ESCO1: variants seen among roughly 807,000 people sequenced by gnomAD.
The protein encoded by ESCO1 is N-acetyltransferase ESCO1.
Under a neutral mutation model 83.5 loss-of-function variants are expected in ESCO1, and 33 were observed. That is an observed-to-expected ratio of 0.40 (90% CI 0.30 to 0.53). The LOEUF is 0.53. ESCO1 is among the 20% of genes least tolerant of loss of function. The pLI is 0.63. For missense variants in ESCO1, 855 were observed against 968.0 expected (o/e 0.88, Z 1.55); for synonymous variants, 332 against 324.3 (o/e 1.02, Z -0.25).
intron 1 of ESCO1, among the ~76,000 whole-genome samples, chr18:21,585,312 C>T (rs953742414): frequency 3.5e-4 from 53 of 152,234 alleles, no homozygotes; most frequent in African/African-American, 1.2e-3. Context: ...ATTTTGGCCT[C>T]GGTGGGGACA....
Position 21,596,530 on chromosome 18 carries a change from T to C in ESCO1, c.-825+4093A>G, listed in dbSNP as rs537028053. Among the ~76,000 whole-genome samples the C allele has an allele frequency of 3.3e-5, 5 of 152,126 alleles. No individual in the cohort carries two copies. The South Asian group carries it at 1.0e-3, about 32-fold the overall frequency. On this transcript the variant is annotated intron_variant, in intron 1 of 11. Coordinates refer to ENST00000269214, the MANE Select transcript of ESCO1 (RefSeq NM_052911.3). ...AATAATATTACAGGGAAAATGTTTT[T>C]ATGAAAAGATAGAAAATATTGGCCA...
Position 21,573,706 on chromosome 18 carries a change from C to T in ESCO1, c.1138G>A (p.Gly380Arg). 1 of 1,614,082 alleles carries T rather than the reference C, an allele frequency of 6.2e-7. No individual in the cohort carries two copies. The highest frequency in any genetic ancestry group is 8.5e-7 in the Non-Finnish European group (1 of 1,180,012). The change falls in exon 4 of 12, where the codon GGA becomes AGA. Residue 380 changes from glycine (G) to arginine (R), a missense_variant. By Grantham distance (125) the Gly-to-Arg change is moderately radical. Around this residue, in one of 2 missense-constraint regions of ESCO1, gnomAD observed 726 missense variants for 699.5 expected, o/e 1.04. Transcript: ENST00000269214. Reference protein sequence around the residue: ...KTKPVKCILNGINSSAKKNSN... With the variant: ...KTKPVKCILNRINSSAKKNSN... Reference sequence around the variant, plus strand: ...TTCTTCTTGGCTGAGCTGTTTATTCCATTTAGTATACATTTCACAGGCTTT... The same window carrying T: ...TTCTTCTTGGCTGAGCTGTTTATTCTATTTAGTATACATTTCACAGGCTTT...
intron 8 of ESCO1, among the ~76,000 whole-genome samples, chr18:21,549,404 C>T (rs1375599474): frequency 2.6e-5 from 4 of 152,076 alleles, no homozygotes; most frequent in Non-Finnish European, 5.9e-5. Flanking sequence ...TGACATGACA[C>T]ACCTCCAGAC....
chr18:21,568,344 G>A (rs1050900777), intron 4 of ESCO1, among the ~76,000 whole-genome samples: 2 of 152,076 alleles, frequency 1.3e-5, no homozygotes, highest in African/African-American at 4.8e-5. Context: ...CTACTCAGAA[G>A]CCTCACTAAA....
chr18:21,560,195 T>C (rs2038164410), intron 8 of ESCO1, among the ~76,000 whole-genome samples: 1 of 152,218 alleles, frequency 6.6e-6, no homozygotes, highest in South Asian at 2.1e-4. Flanking sequence ...TTTCACAAGA[T>C]ATCTGAAATG....
rs540117462 is a variant in ESCO1 at position 21,547,900 on chromosome 18, G to C, written c.1954-7891C>G. The stretch of plus-strand genomic sequence containing the variant: ...GGGCAGATCACGAGGTCAGGAGATC[G>C]AGACCATCCTGGCTAACAAGGTGAA... On this transcript the variant is annotated intron_variant, in intron 8 of 11. Transcript: ENST00000269214. Among the ~76,000 whole-genome samples the C allele has an allele frequency of 3.3e-5, 5 of 151,730 alleles. No homozygotes were observed. In the South Asian group the frequency reaches 1.0e-3, roughly 32 times the overall value.
In ESCO1 at chr18:21,560,862, A is replaced by G. The variant is rs1200626102; in HGVS notation, c.1950T>C (p.Tyr650=). 6.2e-7 allele frequency: 1 copy of G among 1,601,996 alleles called. No homozygotes were observed. The highest frequency in any genetic ancestry group is 8.5e-7 in the Non-Finnish European group (1 of 1,176,984). ...FHNQFISAVK[Y]VGWKKERILA... Reference sequence around the variant, plus strand: ...AGAATTCACAAATTCCACTTACCACATATTTAACAGCACTTATAAACTGGT... The same window carrying G: ...AGAATTCACAAATTCCACTTACCACGTATTTAACAGCACTTATAAACTGGT... Residue 650 remains tyrosine (Y), a synonymous_variant, in exon 8 of 12, where the codon TAT becomes TAC. Coordinates refer to ENST00000269214, the MANE Select transcript of ESCO1 (RefSeq NM_052911.3).
intron 8 of ESCO1, among the ~76,000 whole-genome samples, chr18:21,557,460 T>G (rs2038127475): frequency 6.6e-6 from 1 of 152,202 alleles, no homozygotes; most frequent in African/African-American, 2.4e-5. Flanking sequence ...TTCTGACCAC[T>G]TCTAAGTTGC....
At chr18:21,565,460 A>G (rs2038246484) in intron 6 of ESCO1, among the ~76,000 whole-genome samples, 2 of 152,250 alleles carry the variant, frequency 1.3e-5, no homozygotes, top group African/African-American at 4.8e-5. Flanking sequence ...AAAGTCTGAC[A>G]ATGCGGGATA....
intron 2 of ESCO1, among the ~76,000 whole-genome samples, chr18:21,579,962 C>G (rs2146218115): frequency 6.7e-6 from 1 of 150,352 alleles, no homozygotes; most frequent in South Asian, 2.1e-4. Context: ...GTGGCGCAAT[C>G]TTGGCTCACT....
At chr18:21,590,951 A>G (rs965625117) in intron 1 of ESCO1, among the ~76,000 whole-genome samples, 1 of 142,652 alleles carries the variant, frequency 7.0e-6, no homozygotes, top group African/African-American at 2.5e-5. Context: ...CAAAAGAAAA[A>G]AAAAAAAGAA....
intron 2 of ESCO1, among the ~76,000 whole-genome samples, chr18:21,578,043 T>C (rs1409368568): frequency 2.0e-5 from 3 of 152,018 alleles, no homozygotes; most frequent in African/African-American, 7.2e-5. Flanking sequence ...CTATAATCGC[T>C]AAGACACACA....
chr18:21,553,287 C>T (rs568886402), intron 8 of ESCO1, among the ~76,000 whole-genome samples: 1 of 151,900 alleles, frequency 6.6e-6, no homozygotes, highest in South Asian at 2.1e-4. Flanking sequence ...ACAACCTTGT[C>T]TCACAAAAGA....
chr18:21,567,950 G>A (rs2038285212), intron 5 of ESCO1, 30 bp downstream of exon 5: 1 of 1,534,908 alleles, frequency 6.5e-7, no homozygotes, highest in Admixed American at 1.7e-5. Context: ...TGAAGACTAT[G>A]AAATCCAAAT....
chr18:21,578,106 T>C (rs934288231), intron 2 of ESCO1, among the ~76,000 whole-genome samples: 22 of 152,034 alleles, frequency 1.4e-4, no homozygotes, highest in Admixed American at 8.5e-4. Flanking sequence ...ACCATCCAAA[T>C]ACATACAATT....
intron 1 of ESCO1, among the ~76,000 whole-genome samples, chr18:21,595,424 C>A (rs1161551563): frequency 6.7e-6 from 1 of 149,172 alleles, no homozygotes; most frequent in Non-Finnish European, 1.5e-5. Flanking sequence ...AATCCCAGCA[C>A]TTTGGGAGGC....
At chr18:21,598,544 AC>A (rs1162889474) in intron 1 of ESCO1, among the ~76,000 whole-genome samples, 1 of 4,586 alleles carries the variant, frequency 2.2e-4, no homozygotes, top group East Asian at 0.25. Context: ...TACTAAAAAT[AC>A]AAAAAAATTA....
At chr18:21,595,942 C>G (rs994647524) in intron 1 of ESCO1, among the ~76,000 whole-genome samples, 2 of 151,296 alleles carry the variant, frequency 1.3e-5, no homozygotes, top group Non-Finnish European at 2.9e-5. Flanking sequence ...CCACCCTGGG[C>G]GACAGAGCGA....
In ESCO1 at chr18:21,530,467, T is replaced by C; in HGVS notation, c.2399A>G (p.Tyr800Cys). Residue 800 changes from tyrosine to cysteine, a missense_variant, in exon 12 of 12, where the codon TAT becomes TGT. Tyr to Cys is a radical substitution (Grantham distance 194, BLOSUM62 -2). Coordinates refer to ENST00000269214, the MANE Select transcript of ESCO1 (RefSeq NM_052911.3). ...GAAAGCAATTTCTTCTTTGCTCAAA[T>C]ATGAGCCATATATAAAGTTACTCCT... ...CLRSNFIYGS[Y>C]LSKEEIAFSD... The C allele has an allele frequency of 7.1e-7, 1 of 1,413,836 alleles. No homozygotes were observed. Among genetic ancestry groups the C allele is most frequent in the Non-Finnish European group, 9.4e-7 (1 of 1,060,936 alleles). 87.6% of individuals were successfully genotyped at this position (1,413,836 alleles called of 1,614,324 possible). A position where few individuals can be genotyped will look rare whatever the true frequency, so the allele number is the denominator to read the frequency against.
Sources: gnomAD v4.1 joint callset for allele counts (sites outside exome capture counted in the v4.1 genomes callset) on GRCh38, gnomAD v4.1.1 for gene constraint, gnomAD v4.1.1 regional missense constraint, MANE v1.5 for transcripts, NCBI Gene and HGNC (gene_info 2026-07-23, HGNC 2026-07-21) for gene names.